Variants in SV2C observed in about 807,000 individuals in gnomAD.
SV2C encodes the protein synaptic vesicle glycoprotein 2C, also known as solute carrier family 22 member B3.
In SV2C, 49 loss-of-function variants were observed where a neutral mutation model predicts 79.7. The observed-to-expected ratio is 0.61, with a 90% CI of 0.49 to 0.78. The LOEUF is 0.78. Among genes scored for constraint, SV2C ranks in the 30% least tolerant of loss-of-function variants. The pLI, the probability that SV2C is intolerant of heterozygous loss-of-function variation, is 0.00. For synonymous variants in SV2C, 334 were observed against 333.2 expected, an observed-to-expected ratio of 1.00 and a Z score of -0.03; for missense variants, 833 against 912.9, an observed-to-expected ratio of 0.91 and a Z score of 1.13.
At chr5:76,234,789 C>A (rs565594429) in intron 4 of SV2C, among the ~76,000 whole-genome samples, 1 of 152,284 alleles carries the variant, frequency 6.6e-6, no homozygotes, top group South Asian at 2.1e-4. Flanking sequence ...TGAAGTATAT[C>A]ATAGCCAATC....
intron 3 of SV2C, 110 bp downstream of exon 3, chr5:76,195,209 T>C: frequency 8.9e-7 from 1 of 1,128,242 alleles, no homozygotes; most frequent in Non-Finnish European, 1.3e-6. Context: ...TCCTTCCATA[T>C]CCTCATGTCA....
At chr5:76,091,892 G>A (rs971888677) in intron 1 of SV2C, 3 of 152,088 alleles carry the variant, frequency 2.0e-5, no homozygotes, top group Non-Finnish European at 4.4e-5. Flanking sequence ...ATTATTTGCA[G>A]TGGTGAAAAA....
the SV2C span, among the ~76,000 whole-genome samples, chr5:75,986,555 GT>G: frequency 6.6e-6 from 1 of 151,908 alleles, no homozygotes; most frequent in South Asian, 2.1e-4. Flanking sequence ...AATTTGTGTT[GT>G]TTTTAAGCCA....
chr5:76,215,052 C>A (rs903326750), intron 4 of SV2C, among the ~76,000 whole-genome samples: 4 of 152,114 alleles, frequency 2.6e-5, no homozygotes, highest in African/African-American at 9.7e-5. Flanking sequence ...TCAGTACTAT[C>A]CTGAATAGAA....
chr5:76,066,563 C>A, the SV2C span, among the ~76,000 whole-genome samples: 1 of 151,372 alleles, frequency 6.6e-6, no homozygotes, highest in African/African-American at 2.4e-5. Flanking sequence ...ATGTAACAAA[C>A]CTGCACGTTG....
the SV2C span, among the ~76,000 whole-genome samples, chr5:75,876,531 C>G: frequency 1.3e-5 from 2 of 151,962 alleles, no homozygotes; most frequent in Admixed American, 1.3e-4. Context: ...CATGTGTTTA[C>G]CTACGTAACA....
chr5:76,198,197 T>C (rs1744331155), intron 3 of SV2C, among the ~76,000 whole-genome samples: 1 of 152,104 alleles, frequency 6.6e-6, no homozygotes, highest in East Asian at 1.9e-4. Flanking sequence ...GCTGCTATAG[T>C]TTGGATTTTT....
chr5:75,938,849 T>C, the SV2C span, among the ~76,000 whole-genome samples: 1 of 152,096 alleles, frequency 6.6e-6, no homozygotes, highest in Non-Finnish European at 1.5e-5. Flanking sequence ...TTATAATACC[T>C]TCACTCTTTT....
the SV2C span, among the ~76,000 whole-genome samples, chr5:76,065,308 G>C: frequency 6.6e-6 from 1 of 152,190 alleles, no homozygotes; most frequent in Non-Finnish European, 1.5e-5. Flanking sequence ...CATTTTTAAA[G>C]TAAAATATTT....
At chr5:75,889,890 G>T in the SV2C span, among the ~76,000 whole-genome samples, 1 of 152,108 alleles carries the variant, frequency 6.6e-6, no homozygotes, top group Non-Finnish European at 1.5e-5. Flanking sequence ...TTGAGCAGTG[G>T]TGTCTGGGAT....
At chr5:76,176,729 A>G (rs1346733732) in intron 2 of SV2C, among the ~76,000 whole-genome samples, 1 of 152,216 alleles carries the variant, frequency 6.6e-6, no homozygotes, top group African/African-American at 2.4e-5. Context: ...ATTATGGGGG[A>G]AAAGTAGAAT....
the SV2C span, among the ~76,000 whole-genome samples, chr5:76,036,361 A>G: frequency 6.6e-6 from 1 of 152,050 alleles, no homozygotes; most frequent in Non-Finnish European, 1.5e-5. Context: ...ACATTTTGGC[A>G]TGATTTTGCA....
chr5:76,292,407 A>T (rs1322416008), intron 8 of SV2C, among the ~76,000 whole-genome samples: 2 of 151,792 alleles, frequency 1.3e-5, no homozygotes, highest in Non-Finnish European at 2.9e-5. Flanking sequence ...TATGCAAAAC[A>T]CTCCTTTATT....
rs1393527303 is a variant in SV2C, at chr5:76,223,440, CATACATATATAT to C, written c.913+13557_913+13568del. Among the ~76,000 whole-genome samples, 16 of 36,022 alleles carry C rather than the reference CATACATATATAT, an allele frequency of 4.4e-4. 1 individual carries two copies. The East Asian group carries it at 5.5e-3, about 12-fold the overall frequency. 23.6% of individuals were successfully genotyped at this position (36,022 alleles called of 152,430 possible). A position where few individuals can be genotyped will look rare whatever the true frequency, so the allele number is the denominator to read the frequency against. ...AAGACCCTGTCTCTTTATATACATA[CATACATATATAT>C]ATATATATATATATATATATATATA... On this transcript the variant is annotated intron_variant, in intron 4 of 12. Coordinates refer to ENST00000502798, the MANE Select transcript of SV2C (RefSeq NM_014979.4).
In SV2C at chr5:76,281,401, A is replaced by C. The variant is rs560619850; in HGVS notation, c.914-3761A>C. The C allele has an allele frequency of 8.7e-4, 220 of 252,796 alleles. 1 individual carries two copies. The highest frequency in any genetic ancestry group is 1.5e-3 in the Non-Finnish European group (197 of 130,274). The allele number at this position is 252,796 out of a possible 1,614,324, so 15.7% of individuals were successfully genotyped here. A position where few individuals can be genotyped will look rare whatever the true frequency, so the allele number is the denominator to read the frequency against. The stretch of plus-strand genomic sequence containing the variant: ...AAATAAACTTGTTATGCAAAGTAAA[A>C]AAAAAAAAAAAGGCAGGGAGCCTGA... On this transcript the variant is annotated intron_variant, in intron 4 of 12. Transcript: ENST00000502798.
intron 4 of SV2C, among the ~76,000 whole-genome samples, chr5:76,264,331 T>C (rs143294931): frequency 6.6e-6 from 1 of 152,204 alleles, no homozygotes; most frequent in African/African-American, 2.4e-5. Flanking sequence ...TAGCAGTTCC[T>C]GTAACCTTTT....
At chr5:75,950,150 C>T in the SV2C span, among the ~76,000 whole-genome samples, 1 of 152,004 alleles carries the variant, frequency 6.6e-6, no homozygotes, top group Non-Finnish European at 1.5e-5. Flanking sequence ...TGCAAAAATC[C>T]AAGAGGGAAT....
At chr5:76,174,295 C>T (rs1307801390) in intron 2 of SV2C, 10 of 1,020,830 alleles carry the variant, frequency 9.8e-6, no homozygotes, top group South Asian at 4.3e-5. Flanking sequence ...GGCGCCACGG[C>T]GGTCCTGCCG....
the SV2C span, among the ~76,000 whole-genome samples, chr5:76,048,927 AAG>A: frequency 6.9e-6 from 1 of 145,036 alleles, no homozygotes; most frequent in African/African-American, 2.6e-5. Context: ...GAAAGAAAAA[AAG>A]AGAAAAGGAA....
Sources: allele counts gnomAD v4.1 joint callset (sites outside exome capture counted in the v4.1 genomes callset), GRCh38; gene constraint gnomAD v4.1.1; transcripts MANE v1.5; gene names NCBI Gene and HGNC (gene_info 2026-07-23, HGNC 2026-07-21).